The following KCNIP4 variants were observed in gnomAD, a reference collection of about 807,000 sequenced individuals.
The protein encoded by KCNIP4 is Kv channel-interacting protein 4.
In KCNIP4, 12 loss-of-function variants were observed where a neutral mutation model predicts 34.0. That is an observed-to-expected ratio of 0.35 (90% CI 0.23 to 0.57). KCNIP4 has a LOEUF of 0.57. KCNIP4 is among the 20% of genes least tolerant of loss of function. The pLI, the probability that KCNIP4 is intolerant of heterozygous loss-of-function variation, is 0.83. For synonymous variants in KCNIP4, 124 were observed against 102.2 expected, an observed-to-expected ratio of 1.21 and a Z score of -1.29; for missense variants, 238 against 311.7, an observed-to-expected ratio of 0.76 and a Z score of 1.78.
chr4:21,273,227 TG>T lies in KCNIP4; in HGVS notation c.62-390519del. On this transcript the variant is annotated intron_variant, in intron 1 of 8. Transcript: ENST00000382152. ...TAACACAATTCCTGGTCAATATAAG[TG>T]TCTGCCCCACTACACCCCCATTACC... Among the ~76,000 whole-genome samples, 2 of 152,282 alleles carry T rather than the reference TG, an allele frequency of 1.3e-5. 1 individual carries two copies. The highest frequency in any genetic ancestry group is 4.8e-5 in the African/African-American group (2 of 41,562).
At chr4:21,335,869 A>G (rs1462830961) in intron 1 of KCNIP4, among the ~76,000 whole-genome samples, 1 of 152,156 alleles carries the variant, frequency 6.6e-6, no homozygotes, top group Non-Finnish European at 1.5e-5. Context: ...ACAAGCATGC[A>G]TGTACCAATC....
chr4:21,580,524 G>T (rs1036720883), intron 1 of KCNIP4, among the ~76,000 whole-genome samples: 1 of 152,000 alleles, frequency 6.6e-6, no homozygotes, highest in African/African-American at 2.4e-5. Flanking sequence ...GTATACTACC[G>T]AATATTGTTG....
intron 1 of KCNIP4, among the ~76,000 whole-genome samples, chr4:21,252,889 T>C (rs1047924722): frequency 2.0e-5 from 3 of 152,024 alleles, no homozygotes; most frequent in African/African-American, 7.2e-5. Flanking sequence ...AGATAAGCAC[T>C]GAGCACATCA....
intron 1 of KCNIP4, among the ~76,000 whole-genome samples, chr4:21,402,656 C>T (rs1261541977): frequency 6.6e-6 from 1 of 152,144 alleles, no homozygotes; most frequent in Non-Finnish European, 1.5e-5. Context: ...AACATCCACA[C>T]AATCCCACCA....
At chr4:20,752,597 A>C (rs954593273) in intron 4 of KCNIP4, 2 of 152,170 alleles carry the variant, frequency 1.3e-5, no homozygotes, top group Non-Finnish European at 2.9e-5. Flanking sequence ...GACGAGTTCT[A>C]ATTTAATGCA....
Position 21,188,848 on chromosome 4 carries a change from C to T in KCNIP4, c.62-306139G>A, listed in dbSNP as rs559942541. Among the ~76,000 whole-genome samples, 215 of 152,232 alleles carry T rather than the reference C, an allele frequency of 1.4e-3. 2 individuals are homozygous for T. Among genetic ancestry groups the T allele is most frequent in the African/African-American group, 4.6e-3 (191 of 41,546 alleles). On this transcript the variant is annotated intron_variant, in intron 1 of 8. Transcript: ENST00000382152. ...GGTGAGATCTCTAACAGCAGGGGTC[C>T]TGCCTGTTCACCACTTCATCATCAA...
At chr4:21,140,027 T>C (rs1287048042) in intron 1 of KCNIP4, among the ~76,000 whole-genome samples, 3 of 152,158 alleles carry the variant, frequency 2.0e-5, no homozygotes, top group African/African-American at 7.2e-5. Flanking sequence ...GAGTCAATTT[T>C]ACCCAATTAC....
chr4:20,749,615 ACTAAACT>A, intron 5 of KCNIP4, 40 bp downstream of exon 5: 3 of 1,331,550 alleles, frequency 2.3e-6, no homozygotes, highest in Non-Finnish European at 3.2e-6. Context: ...CCCTAAAAAG[ACTAAACT>A]CTAAATAGTC....
intron 1 of KCNIP4, among the ~76,000 whole-genome samples, chr4:21,912,423 T>C (rs1409150086): frequency 6.6e-6 from 1 of 152,244 alleles, no homozygotes; most frequent in African/African-American, 2.4e-5. Context: ...CAGTTCTGGT[T>C]TTTGTCCACA....
intron 1 of KCNIP4, among the ~76,000 whole-genome samples, chr4:21,691,691 C>CTTT (rs36004947): frequency 0.12 from 12,281 of 102,992 alleles, 1,465 homozygotes; most frequent in Non-Finnish European, 0.16. Context: ...AAACGCAGCT[C>CTTT]TTTTTTTTTT....
At chr4:20,992,533 C>T (rs1458852487) in intron 1 of KCNIP4, among the ~76,000 whole-genome samples, 2 of 152,134 alleles carry the variant, frequency 1.3e-5, no homozygotes, top group East Asian at 3.9e-4. Context: ...GTTCCCAAAA[C>T]TCTCCTCCCC....
At chr4:21,834,816 T>C (rs1186848887) in intron 1 of KCNIP4, among the ~76,000 whole-genome samples, 1 of 152,142 alleles carries the variant, frequency 6.6e-6, no homozygotes, top group Non-Finnish European at 1.5e-5. Flanking sequence ...TTGTTGAATT[T>C]TGTCAAAGGC....
chr4:20,754,730 G>A (rs907858525), intron 4 of KCNIP4, among the ~76,000 whole-genome samples: 1 of 152,092 alleles, frequency 6.6e-6, no homozygotes, highest in Non-Finnish European at 1.5e-5. Context: ...TTTGTGATAG[G>A]AATCCTTTGC....
chr4:21,451,165 T>C (rs1210411355), intron 1 of KCNIP4, among the ~76,000 whole-genome samples: 1 of 151,946 alleles, frequency 6.6e-6, no homozygotes, highest in African/African-American at 2.4e-5. Context: ...TAACAGCAAG[T>C]GGTTTTGTTA....
At chr4:21,410,239 T>C (rs1724367752) in intron 1 of KCNIP4, among the ~76,000 whole-genome samples, 2 of 152,122 alleles carry the variant, frequency 1.3e-5, no homozygotes, top group African/African-American at 4.8e-5. Flanking sequence ...TTACTAGAAA[T>C]TGTGATTAAA....
chr4:21,204,552 A>C (rs961939159), intron 1 of KCNIP4, among the ~76,000 whole-genome samples: 1 of 152,200 alleles, frequency 6.6e-6, no homozygotes, highest in Admixed American at 6.5e-5. Flanking sequence ...ATTTAGAATG[A>C]CTAGATAACT....
chr4:21,277,688 C>G (rs1238432000), intron 1 of KCNIP4, among the ~76,000 whole-genome samples: 5 of 152,114 alleles, frequency 3.3e-5, no homozygotes, highest in African/African-American at 1.2e-4. Context: ...GACTCAATAT[C>G]TGACTAACAG....
In KCNIP4 at chr4:20,728,914, T is replaced by TAAGATGATTAAAA. The variant is rs1746891654; in HGVS notation, c.*1155_*1167dup. ...AATGTGGCAACTTTACAGTTTTGGCTAAGATGATTAAAAATAATCTGAATT... is the reference window on the plus strand; with the variant it reads ...AATGTGGCAACTTTACAGTTTTGGCTAAGATGATTAAAAAAGATGATTAAAAATAATCTGAATT... On this transcript the variant is annotated 3_prime_UTR_variant, in exon 9 of 9. Coordinates refer to ENST00000382152, the MANE Select transcript of KCNIP4 (RefSeq NM_025221.6). 1 of 131,774 alleles carries TAAGATGATTAAAA rather than the reference T, an allele frequency of 7.6e-6. No homozygotes were observed. Among genetic ancestry groups the TAAGATGATTAAAA allele is most frequent in the African/African-American group, 3.1e-5 (1 of 32,226 alleles). 8.2% of individuals were successfully genotyped at this position (131,774 alleles called of 1,614,324 possible).
At chr4:21,623,991 T>C (rs1375101543) in intron 1 of KCNIP4, among the ~76,000 whole-genome samples, 3 of 152,198 alleles carry the variant, frequency 2.0e-5, no homozygotes, top group Admixed American at 2.0e-4. Flanking sequence ...ATATATACTG[T>C]ATACATGCAC....
Sources: gnomAD v4.1 joint callset for allele counts (sites outside exome capture counted in the v4.1 genomes callset) on GRCh38, gnomAD v4.1.1 for gene constraint, MANE v1.5 for transcripts, NCBI Gene and HGNC (gene_info 2026-07-23, HGNC 2026-07-21) for gene names.